Variants in RYR2 observed in about 807,000 individuals in gnomAD.
The protein encoded by RYR2 is cardiac muscle ryanodine receptor-calcium release channel.
In RYR2, 227 loss-of-function variants were observed where a neutral mutation model predicts 601.1. The observed-to-expected ratio is 0.38, with a 90% CI of 0.34 to 0.42. RYR2 has a LOEUF of 0.42. Ranked by LOEUF, RYR2 falls within the 10% of genes least tolerant of loss-of-function variation. The pLI, the probability that RYR2 is intolerant of heterozygous loss-of-function variation, is 1.00. For synonymous variants in RYR2, 2,223 were observed against 2,175.1 expected, an observed-to-expected ratio of 1.02 and a Z score of -0.61; for missense variants, 4,646 against 6,156.5, an observed-to-expected ratio of 0.75 and a Z score of 8.21.
chr1:237,194,067 T>C (rs980203240), intron 1 of RYR2, among the ~76,000 whole-genome samples: 2 of 152,248 alleles, frequency 1.3e-5, no homozygotes, highest in Non-Finnish European at 2.9e-5. Flanking sequence ...GAATTTTGCT[T>C]GGAAATAAAT....
At chr1:237,550,959 T>G (rs1670324604) in intron 27 of RYR2, among the ~76,000 whole-genome samples, 2 of 152,136 alleles carry the variant, frequency 1.3e-5, no homozygotes, top group African/African-American at 4.8e-5. Flanking sequence ...CCTCCCTGAT[T>G]ATGATATTGG....
intron 17 of RYR2, among the ~76,000 whole-genome samples, chr1:237,479,464 T>C (rs1276401929): frequency 6.6e-6 from 1 of 152,200 alleles, no homozygotes; most frequent in African/African-American, 2.4e-5. Flanking sequence ...AGGAGAACTT[T>C]TAAAATTGAT....
At chr1:237,451,954 G>A (rs947617157) in intron 14 of RYR2, among the ~76,000 whole-genome samples, 2 of 147,926 alleles carry the variant, frequency 1.4e-5, no homozygotes, top group Non-Finnish European at 3.0e-5. Context: ...CCCAGGTCAC[G>A]GTGGTTGTGG....
intron 1 of RYR2, among the ~76,000 whole-genome samples, chr1:237,061,268 C>CCAT (rs1553275473): frequency 3.4e-5 from 3 of 88,742 alleles, no homozygotes; most frequent in African/African-American, 1.0e-4. Context: ...ATCTATCTAT[C>CCAT]CATCTATCAT....
chr1:237,235,922 T>G (rs1467903146), intron 1 of RYR2, among the ~76,000 whole-genome samples: 1 of 152,232 alleles, frequency 6.6e-6, no homozygotes, highest in African/African-American at 2.4e-5. Flanking sequence ...TCATGTTCAG[T>G]GCATACTCAT....
Position 237,589,815 on chromosome 1 carries a change from T to C in RYR2, c.3621T>C (p.Leu1207=), listed in dbSNP as rs748616500. 6.2e-7 allele frequency: 1 copy of C among 1,613,912 alleles called. No homozygotes were observed. Among genetic ancestry groups the C allele is most frequent in the Non-Finnish European group, 8.5e-7 (1 of 1,179,860 alleles). The change falls in exon 30 of 105, where the codon CTT becomes CTC. Residue 1207 remains leucine (L), a synonymous_variant. Transcript: ENST00000366574. ...CAGGATTCATACCTGTGTGTAGCCT[T>C]GGAGTGGCTCAAGTGGGTAGGATGA... ...VGDGFIPVCS[L]GVAQVGRMNF...
chr1:237,524,140 A>C (rs1667352612), intron 24 of RYR2, among the ~76,000 whole-genome samples: 2 of 152,330 alleles, frequency 1.3e-5, no homozygotes, highest in South Asian at 4.1e-4. Flanking sequence ...CATAAGAGCC[A>C]AAAACTGGAA....
At chr1:237,605,321 C>A (rs1197265946) in intron 35 of RYR2, among the ~76,000 whole-genome samples, 1 of 152,152 alleles carries the variant, frequency 6.6e-6, no homozygotes, top group Non-Finnish European at 1.5e-5. Flanking sequence ...ACGACAAAAA[C>A]CACATGATTA....
chr1:237,776,628 C>G (rs554098168), intron 87 of RYR2, among the ~76,000 whole-genome samples: 8 of 150,854 alleles, frequency 5.3e-5, no homozygotes, highest in South Asian at 4.3e-4. Context: ...TACTCTCCCC[C>G]CTGAAGGTTC....
chr1:237,626,574 CTTTTTCTTTTTTTTTTTTTTTTT>C (rs1679683214), intron 40 of RYR2, among the ~76,000 whole-genome samples: 1 of 60,094 alleles, frequency 1.7e-5, no homozygotes, highest in Non-Finnish European at 3.7e-5. Flanking sequence ...TTTTCTTTTT[CTTTTTCTTTTTTTTTTTTTTTTT>C]TTTTTTTTTT....
At chr1:237,442,274 T>C (rs530785206) in intron 13 of RYR2, among the ~76,000 whole-genome samples, 3 of 152,342 alleles carry the variant, frequency 2.0e-5, no homozygotes, top group Admixed American at 6.5e-5. Flanking sequence ...TTGGTCATGG[T>C]TCTTCTACTA....
rs397516546 is a variant in RYR2, at chr1:237,617,395, T to G, written c.5825T>G (p.Phe1942Cys). The change falls in exon 38 of 105, where the codon TTC (phenylalanine) becomes TGC (cysteine). Residue 1942 changes from phenylalanine to cysteine, a missense_variant. Coordinates refer to ENST00000366574, the MANE Select transcript of RYR2 (RefSeq NM_001035.3). Reference sequence around the variant, plus strand: ...GCTAAGCTCCAAGACAATCAACGTTTCCGATACAACGAAGTCATGCAAGCC... The same window carrying G: ...GCTAAGCTCCAAGACAATCAACGTTGCCGATACAACGAAGTCATGCAAGCC... ...FVAKLQDNQR[F>C]RYNEVMQALN... 3.4e-5 allele frequency: 55 copies of G among 1,613,964 alleles called. No homozygotes were observed. The highest frequency in any genetic ancestry group is 4.1e-5 in the Non-Finnish European group (48 of 1,179,870).
intron 68 of RYR2, among the ~76,000 whole-genome samples, chr1:237,707,771 TTTTG>T (rs950003611): frequency 6.6e-6 from 1 of 152,048 alleles, no homozygotes; most frequent in African/African-American, 2.4e-5. Flanking sequence ...ATATTTTGTT[TTTTG>T]TTTGTTTGTT....
At chr1:237,146,036 G>C (rs1262862943) in intron 1 of RYR2, among the ~76,000 whole-genome samples, 2 of 152,198 alleles carry the variant, frequency 1.3e-5, no homozygotes, top group African/African-American at 4.8e-5. Flanking sequence ...CCAAGAGTTA[G>C]TGTGTTGATA....
intron 45 of RYR2, 44 bp downstream of exon 45, chr1:237,638,536 T>C (rs1278682239): frequency 6.3e-7 from 1 of 1,593,238 alleles, no homozygotes; most frequent in Non-Finnish European, 8.6e-7. Context: ...TCATTAAAAC[T>C]GCATAGAGAT....
chr1:237,310,767 A>C (rs867076128), intron 2 of RYR2, among the ~76,000 whole-genome samples: 3 of 152,182 alleles, frequency 2.0e-5, no homozygotes, highest in Non-Finnish European at 4.4e-5. Context: ...ATATCTCTTT[A>C]TATATTATTT....
In RYR2 at chr1:237,402,833, G is replaced by A. The variant is rs1487834997; in HGVS notation, c.774-14216G>A. Among the ~76,000 whole-genome samples, 17 of 152,416 alleles carry A rather than the reference G, an allele frequency of 1.1e-4. No homozygotes were observed. In the East Asian group the frequency reaches 3.3e-3, roughly 29 times the overall value. ...GTCTTACTCTATTGGGCAGGCTGGA[G>A]TACAGCGGTGAAATCATGGCTCACT... On this transcript the variant is annotated intron_variant, in intron 10 of 104. Coordinates refer to ENST00000366574, the MANE Select transcript of RYR2 (RefSeq NM_001035.3).
rs189450227 is a variant in RYR2, at chr1:237,160,841, C to T, written c.49-109656C>T. The stretch of plus-strand genomic sequence containing the variant: ...AAGAAAGAATTGTTCTTTGTAACTT[C>T]ACTCTAAATCATTATAATTTATATT... On this transcript the variant is annotated intron_variant, in intron 1 of 104. Transcript: ENST00000366574. Among the ~76,000 whole-genome samples, 420 of 152,160 alleles carry T rather than the reference C, an allele frequency of 2.8e-3. 2 individuals are homozygous for T. The highest frequency in any genetic ancestry group is 4.7e-3 in the Non-Finnish European group (322 of 67,956).
At chr1:237,805,319 G>A (rs548082613) in intron 98 of RYR2, among the ~76,000 whole-genome samples, 1 of 152,180 alleles carries the variant, frequency 6.6e-6, no homozygotes, top group African/African-American at 2.4e-5. Flanking sequence ...AGTGGCTCAC[G>A]CCTGTAATCC....
Sources: gnomAD v4.1 joint callset for allele counts (sites outside exome capture counted in the v4.1 genomes callset) on GRCh38, gnomAD v4.1.1 for gene constraint, MANE v1.5 for transcripts, NCBI Gene and HGNC (gene_info 2026-07-23, HGNC 2026-07-21) for gene names.